LY86: variants seen among roughly 807,000 people sequenced by gnomAD.
LY86 encodes lymphocyte antigen 86.
In LY86, 20 loss-of-function variants were observed where a neutral mutation model predicts 17.3. That is an observed-to-expected ratio of 1.15 (90% CI 0.81 to 1.68). The LOEUF is 1.68. Ranked by LOEUF, LY86 falls within the 40% of genes most tolerant of loss-of-function variation. The pLI, the probability that LY86 is intolerant of heterozygous loss-of-function variation, is 0.00. For synonymous variants in LY86, 74 were observed against 70.6 expected (o/e 1.05, Z -0.24); for missense variants, 200 against 191.9 (o/e 1.04, Z -0.25).
chr6:6,605,032 G>GAA (rs11420827), intron 1 of LY86, among the ~76,000 whole-genome samples: 40 of 149,878 alleles, frequency 2.7e-4, no homozygotes, highest in East Asian at 6.0e-4. Context: ...AGACTTTGGA[G>GAA]AAAAAAAAAT....
intron 1 of LY86, among the ~76,000 whole-genome samples, chr6:6,615,071 T>TA (rs1286859670): frequency 6.6e-6 from 1 of 152,210 alleles, no homozygotes; most frequent in African/African-American, 2.4e-5. Context: ...AGCCGAGTGA[T>TA]ACACGGTAGA....
chr6:6,611,257 A>G (rs907277032), intron 1 of LY86, among the ~76,000 whole-genome samples: 7 of 152,180 alleles, frequency 4.6e-5, no homozygotes, highest in African/African-American at 1.2e-4. Flanking sequence ...TTTTTTGTAT[A>G]TATTATTCTC....
intron 1 of LY86, among the ~76,000 whole-genome samples, chr6:6,600,282 G>A (rs1480318662): frequency 1.3e-5 from 2 of 152,058 alleles, no homozygotes; most frequent in Non-Finnish European, 2.9e-5. Context: ...CATGACAGGG[G>A]ATGCCTGATG....
intron 1 of LY86, among the ~76,000 whole-genome samples, chr6:6,599,982 AC>A (rs757124662): frequency 2.3e-5 from 3 of 130,092 alleles, no homozygotes; most frequent in Non-Finnish European, 4.5e-5. Flanking sequence ...TCCCCAAAGC[AC>A]AAAGGATCCT....
chr6:6,604,714 T>TAC (rs1197042256), intron 1 of LY86, among the ~76,000 whole-genome samples: 7 of 152,178 alleles, frequency 4.6e-5, no homozygotes, highest in Non-Finnish European at 8.8e-5. Context: ...ATCAGTGCAT[T>TAC]ACATTGGGGG....
chr6:6,626,313 T>G lies in LY86; in HGVS notation c.244T>G (p.Phe82Val), dbSNP rs1386405403. 2 of 1,613,910 alleles carry G rather than the reference T, an allele frequency of 1.2e-6. No individual in the cohort carries two copies. Among genetic ancestry groups the G allele is most frequent in the Non-Finnish European group, 1.7e-6 (2 of 1,180,016 alleles). ...TCCAGGAGAGGACATCAAAGAGCTTTTTCTTGACCTAGCTCTCATGTCTCA... is the reference window on the plus strand; with the variant it reads ...TCCAGGAGAGGACATCAAAGAGCTTGTTCTTGACCTAGCTCTCATGTCTCA... The part of the protein sequence containing the change: ...IILREDIKEL[F>V]LDLALMSQGS... Residue 82 changes from phenylalanine (F) to valine (V), a missense_variant, in exon 3 of 5, where the codon TTT becomes GTT. Physicochemically the swap from Phe to Val is conservative, Grantham distance 50. Transcript: ENST00000230568.
chr6:6,603,613 AAC>A (rs1160680381), intron 1 of LY86, among the ~76,000 whole-genome samples: 2 of 120,846 alleles, frequency 1.7e-5, no homozygotes, highest in East Asian at 2.2e-4. Context: ...CAGAAAAAAA[AAC>A]AAACAAAAAA....
intron 3 of LY86, among the ~76,000 whole-genome samples, chr6:6,642,910 C>T (rs1177311997): frequency 6.6e-6 from 1 of 152,226 alleles, no homozygotes; most frequent in Non-Finnish European, 1.5e-5. Context: ...CTGGAACATC[C>T]TTCCCACCTT....
chr6:6,637,673 A>C (rs895133104), intron 3 of LY86, among the ~76,000 whole-genome samples: 1 of 152,134 alleles, frequency 6.6e-6, no homozygotes, highest in Non-Finnish European at 1.5e-5. Context: ...GAAACTAAAC[A>C]TCCCGAGAGC....
At chr6:6,607,101 G>T (rs1177217103) in intron 1 of LY86, among the ~76,000 whole-genome samples, 1 of 152,266 alleles carries the variant, frequency 6.6e-6, no homozygotes, top group African/African-American at 2.4e-5. Context: ...GTGCAAAACG[G>T]CAGATAACAA....
At chr6:6,643,984 A>G (rs946522700) in intron 3 of LY86, among the ~76,000 whole-genome samples, 4 of 152,280 alleles carry the variant, frequency 2.6e-5, no homozygotes, top group African/African-American at 9.6e-5. Context: ...AAACAAAAAT[A>G]TTTGTTCTGG....
intron 1 of LY86, among the ~76,000 whole-genome samples, chr6:6,604,372 A>G (rs1204890177): frequency 6.6e-6 from 1 of 152,258 alleles, no homozygotes; most frequent in Non-Finnish European, 1.5e-5. Flanking sequence ...AGAAAAAAAT[A>G]GTATCAAAAT....
At chr6:6,634,816 C>T (rs1761939636) in intron 3 of LY86, among the ~76,000 whole-genome samples, 1 of 152,210 alleles carries the variant, frequency 6.6e-6, no homozygotes, top group African/African-American at 2.4e-5. Context: ...CTCCTTTCCA[C>T]AGATCTAGGA....
chr6:6,641,393 C>T (rs961633564), intron 3 of LY86, among the ~76,000 whole-genome samples: 12 of 152,170 alleles, frequency 7.9e-5, no homozygotes, highest in Non-Finnish European at 1.8e-4. Flanking sequence ...GTTCACCGTG[C>T]CCCCCTCCTG....
intron 3 of LY86, among the ~76,000 whole-genome samples, chr6:6,645,325 C>T (rs1762093285): frequency 6.6e-6 from 1 of 152,088 alleles, no homozygotes; most frequent in Non-Finnish European, 1.5e-5. Flanking sequence ...TAACTAATTG[C>T]CATTTCTACC....
chr6:6,631,062 A>C (rs1269975669), intron 3 of LY86, among the ~76,000 whole-genome samples: 1 of 152,112 alleles, frequency 6.6e-6, no homozygotes, highest in Admixed American at 6.5e-5. Flanking sequence ...AGAAAACATA[A>C]AATTATATGT....
chr6:6,605,206 G>C (rs1270914442), intron 1 of LY86, among the ~76,000 whole-genome samples: 1 of 152,184 alleles, frequency 6.6e-6, no homozygotes, highest in Admixed American at 6.5e-5. Flanking sequence ...GAATGTGTTA[G>C]ATTTCTATTT....
intron 1 of LY86, among the ~76,000 whole-genome samples, chr6:6,596,878 G>C (rs115125095): frequency 6.6e-6 from 1 of 152,350 alleles, no homozygotes; most frequent in South Asian, 2.1e-4. Flanking sequence ...AAGTAACTTA[G>C]TGAATAGGAA....
At chr6:6,613,621 C>T (rs529013242) in intron 1 of LY86, among the ~76,000 whole-genome samples, 2 of 152,350 alleles carry the variant, frequency 1.3e-5, no homozygotes, top group Non-Finnish European at 2.9e-5. Flanking sequence ...TTCCCGCCTG[C>T]GCTTCCCCCT....
Sources: allele counts gnomAD v4.1 joint callset (sites outside exome capture counted in the v4.1 genomes callset), GRCh38; gene constraint gnomAD v4.1.1; transcripts MANE v1.5; gene names NCBI Gene and HGNC (gene_info 2026-07-23, HGNC 2026-07-21).